Variants in PTPRD observed in about 807,000 individuals in gnomAD.
PTPRD encodes the protein receptor-type tyrosine-protein phosphatase delta.
Under a neutral mutation model 214.5 loss-of-function variants are expected in PTPRD, and 34 were observed. The observed-to-expected ratio is 0.16, with a 90% CI of 0.12 to 0.21. PTPRD has a LOEUF of 0.21. PTPRD is among the 10% of genes least tolerant of loss of function. The pLI is 1.00. For missense variants in PTPRD, 2,545 were observed against 2,398.7 expected, an observed-to-expected ratio of 1.06 and a Z score of -1.27; for synonymous variants, 1,128 against 845.7, an observed-to-expected ratio of 1.33 and a Z score of -5.79.
chr9:9,900,884 A>G (rs2382058), intron 5 of PTPRD, among the ~76,000 whole-genome samples: 103,639 of 152,148 alleles, frequency 0.68, 36,726 homozygotes, highest in Admixed American at 0.78. Context: ...ATCCGCCCAC[A>G]TTGACCTCCC....
chr9:8,373,852 A>G (rs4740945), intron 39 of PTPRD, among the ~76,000 whole-genome samples: 62 of 113,092 alleles, frequency 5.5e-4, no homozygotes, highest in African/African-American at 2.3e-3. Flanking sequence ...ATGTATGTGT[A>G]TGTGTCTGTC....
intron 9 of PTPRD, among the ~76,000 whole-genome samples, chr9:9,262,814 T>C (rs1056439727): frequency 6.6e-6 from 1 of 151,080 alleles, no homozygotes; most frequent in Non-Finnish European, 1.5e-5. Context: ...TTGACTTAGA[T>C]AGATACCCTT....
intron 2 of PTPRD, among the ~76,000 whole-genome samples, chr9:10,350,831 G>C (rs901512346): frequency 4.6e-5 from 7 of 152,140 alleles, no homozygotes; most frequent in African/African-American, 1.7e-4. Context: ...TATTGAGCGT[G>C]GTGGGATACA....
At chr9:8,748,729 T>G (rs1046199975) in intron 11 of PTPRD, among the ~76,000 whole-genome samples, 1 of 151,854 alleles carries the variant, frequency 6.6e-6, no homozygotes, top group Non-Finnish European at 1.5e-5. Flanking sequence ...CTGACCAACA[T>G]GGAGAAATCC....
intron 5 of PTPRD, among the ~76,000 whole-genome samples, chr9:9,839,709 G>A (rs1401104875): frequency 1.3e-5 from 2 of 152,162 alleles, no homozygotes; most frequent in East Asian, 3.9e-4. Flanking sequence ...CGACTTTAAA[G>A]TTCGTATGGA....
intron 5 of PTPRD, among the ~76,000 whole-genome samples, chr9:9,928,341 T>A (rs951445845): frequency 1.3e-5 from 2 of 152,168 alleles, no homozygotes; most frequent in Non-Finnish European, 2.9e-5. Context: ...AAAAGGAAGA[T>A]GCTTTATGTT....
intron 2 of PTPRD, among the ~76,000 whole-genome samples, chr9:10,595,704 A>G (rs1304208783): frequency 6.6e-6 from 1 of 151,640 alleles, no homozygotes; most frequent in Admixed American, 6.6e-5. Flanking sequence ...AGTGATCTGC[A>G]TTAGCTGTTT....
chr9:10,409,076 AG>A (rs1189102271), intron 2 of PTPRD, among the ~76,000 whole-genome samples: 1 of 151,758 alleles, frequency 6.6e-6, no homozygotes, highest in Non-Finnish European at 1.5e-5. Context: ...GAAGCTACAA[AG>A]GGTTTCACAT....
intron 11 of PTPRD, among the ~76,000 whole-genome samples, chr9:8,864,707 T>C (rs936937142): frequency 1.3e-5 from 2 of 152,182 alleles, no homozygotes; most frequent in African/African-American, 4.8e-5. Flanking sequence ...GGCAAGTTGG[T>C]CATTGTATCC....
At chr9:10,151,256 CTTTTTTT>C (rs71321228) in intron 3 of PTPRD, among the ~76,000 whole-genome samples, 3 of 12,378 alleles carry the variant, frequency 2.4e-4, no homozygotes, top group African/African-American at 3.2e-4. Flanking sequence ...TTTTTGTTAA[CTTTTTTT>C]TTTTTTTTTT....
intron 5 of PTPRD, among the ~76,000 whole-genome samples, chr9:9,815,158 C>T (rs1383996928): frequency 6.6e-6 from 1 of 152,024 alleles, no homozygotes; most frequent in Non-Finnish European, 1.5e-5. Flanking sequence ...TAAAAACAGA[C>T]ACATAGACTA....
At chr9:9,830,999 T>A (rs1387601211) in intron 5 of PTPRD, among the ~76,000 whole-genome samples, 2 of 151,882 alleles carry the variant, frequency 1.3e-5, no homozygotes, top group Non-Finnish European at 2.9e-5. Flanking sequence ...AGACAGGGAA[T>A]TTTCATTAAC....
At chr9:10,474,505 C>A (rs188745791) in intron 2 of PTPRD, among the ~76,000 whole-genome samples, 3 of 152,168 alleles carry the variant, frequency 2.0e-5, no homozygotes. Flanking sequence ...TCTTAGAGAC[C>A]TACAAAGAGA....
intron 5 of PTPRD, among the ~76,000 whole-genome samples, chr9:9,839,907 C>T (rs1471637617): frequency 6.6e-6 from 1 of 151,944 alleles, no homozygotes; most frequent in Non-Finnish European, 1.5e-5. Flanking sequence ...TATTGATATG[C>T]ATTTTTAAAC....
chr9:9,591,893 G>A (rs921318711), intron 7 of PTPRD, among the ~76,000 whole-genome samples: 1 of 151,948 alleles, frequency 6.6e-6, no homozygotes, highest in Admixed American at 6.6e-5. Flanking sequence ...ACTGTGTAGT[G>A]GAACACCAGA....
At chr9:9,562,759 T>C (rs1356189243) in intron 8 of PTPRD, among the ~76,000 whole-genome samples, 1 of 152,178 alleles carries the variant, frequency 6.6e-6, no homozygotes, top group Non-Finnish European at 1.5e-5. Flanking sequence ...TACAATTATA[T>C]TTCTACCCAC....
intron 8 of PTPRD, among the ~76,000 whole-genome samples, chr9:9,450,900 C>A (rs966418718): frequency 6.8e-6 from 1 of 148,136 alleles, no homozygotes; most frequent in African/African-American, 2.5e-5. Context: ...AAATGATGGG[C>A]AAAAATACTG....
At chr9:10,000,274 G>A (rs542355594) in intron 4 of PTPRD, among the ~76,000 whole-genome samples, 1 of 152,250 alleles carries the variant, frequency 6.6e-6, no homozygotes. Flanking sequence ...AAATTACACT[G>A]TTAGTTATAG....
chr9:9,563,411 T>C (rs1305550796), intron 8 of PTPRD, among the ~76,000 whole-genome samples: 1 of 152,170 alleles, frequency 6.6e-6, no homozygotes, highest in Non-Finnish European at 1.5e-5. Flanking sequence ...GTAGCTTTGG[T>C]TATTTTTCTT....
Sources: allele counts gnomAD v4.1 joint callset (sites outside exome capture counted in the v4.1 genomes callset), GRCh38; gene constraint gnomAD v4.1.1; transcripts MANE v1.5; gene names NCBI Gene and HGNC (gene_info 2026-07-23, HGNC 2026-07-21).